RORB: variants seen among roughly 807,000 people sequenced by gnomAD.
The protein encoded by RORB is RAR related orphan receptor B.
In RORB, 6 loss-of-function variants were observed where a neutral mutation model predicts 59.1. The observed-to-expected ratio is 0.10, with a 90% CI of 0.06 to 0.20. The LOEUF is 0.20. Ranked by LOEUF, RORB falls within the 10% of genes least tolerant of loss-of-function variation. RORB has a pLI of 1.00. For synonymous variants in RORB, 215 were observed against 204.5 expected, an observed-to-expected ratio of 1.05 and a Z score of -0.44; for missense variants, 320 against 560.5, an observed-to-expected ratio of 0.57 and a Z score of 4.33.
At chr9:74,540,196 A>G in intron 1 of RORB, among the ~76,000 whole-genome samples, 1 of 152,320 alleles carries the variant, frequency 6.6e-6, no homozygotes, top group South Asian at 2.1e-4. Context: ...GTTTGAATAC[A>G]AAAATATATA....
intron 1 of RORB, among the ~76,000 whole-genome samples, chr9:74,601,203 A>G: frequency 6.6e-6 from 1 of 151,980 alleles, no homozygotes; most frequent in African/African-American, 2.4e-5. Flanking sequence ...TTATAGTAGG[A>G]AAAAGAAGCT....
rs530505596 is a variant in RORB at position 74,579,040 on chromosome 9, T to C, written c.8-51242T>C. 5.9e-5 allele frequency among the ~76,000 whole-genome samples: 9 copies of C among 152,300 alleles called. No homozygotes were observed. In the South Asian group the frequency reaches 1.9e-3, roughly 32 times the overall value. The stretch of plus-strand genomic sequence containing the variant: ...TCCCAACGAACTAGTGTTTATACTC[T>C]ATTAATCCTATGTATGAAGATTTTT... On this transcript the variant is annotated intron_variant, in intron 1 of 9. Coordinates refer to ENST00000376896, the MANE Select transcript of RORB (RefSeq NM_006914.4).
chr9:74,663,257 TA>T (rs1257252496), intron 6 of RORB, among the ~76,000 whole-genome samples: 4 of 152,220 alleles, frequency 2.6e-5, no homozygotes, highest in African/African-American at 9.6e-5. Context: ...TTCATGGTCC[TA>T]GGCCATAATA....
In RORB at chr9:74,668,854, G is replaced by A. The variant is rs191605571; in HGVS notation, c.1111+953G>A. On this transcript the variant is annotated intron_variant, in intron 8 of 9. Coordinates refer to ENST00000376896, the MANE Select transcript of RORB (RefSeq NM_006914.4). ...ACAGTTCAAACCTATGTTGTAGAAG[G>A]GTCACCTGTATCAGGAGTTTTTAAA... is the stretch of plus-strand genomic sequence containing the variant. 7.1e-4 allele frequency among the ~76,000 whole-genome samples: 108 copies of A among 152,188 alleles called. 1 individual carries two copies. The South Asian group carries it at 9.8e-3, about 14-fold the overall frequency.
chr9:74,616,819 G>C (rs1055555199), intron 1 of RORB, among the ~76,000 whole-genome samples: 1 of 151,648 alleles, frequency 6.6e-6, no homozygotes, highest in Non-Finnish European at 1.5e-5. Flanking sequence ...CGATTTTAGG[G>C]GTTTATGTGC....
chr9:74,523,879 G>C (rs1274614857), intron 1 of RORB, among the ~76,000 whole-genome samples: 1 of 151,674 alleles, frequency 6.6e-6, no homozygotes, highest in East Asian at 1.9e-4. Context: ...TGGGTTCATA[G>C]TCAGTCTTTA....
intron 1 of RORB, among the ~76,000 whole-genome samples, chr9:74,563,462 G>A (rs1415523887): frequency 2.0e-5 from 3 of 152,142 alleles, no homozygotes; most frequent in African/African-American, 7.2e-5. Context: ...AGGATTACAG[G>A]CATGAGCCAT....
chr9:74,519,312 G>A (rs989654785), intron 1 of RORB, among the ~76,000 whole-genome samples: 2 of 151,960 alleles, frequency 1.3e-5, no homozygotes, highest in African/African-American at 4.8e-5. Context: ...GAGAAGTCAG[G>A]GTGGGTAGGT....
intron 1 of RORB, among the ~76,000 whole-genome samples, chr9:74,524,919 A>T (rs971420904): frequency 6.6e-6 from 1 of 151,888 alleles, no homozygotes. Context: ...ATAATCTAAT[A>T]AGGAAAATCT....
chr9:74,515,281 G>T (rs1490692641), intron 1 of RORB, among the ~76,000 whole-genome samples: 1 of 151,680 alleles, frequency 6.6e-6, no homozygotes, highest in East Asian at 1.9e-4. Flanking sequence ...TTTGATAGAA[G>T]AAGAGGCTAA....
intron 1 of RORB, among the ~76,000 whole-genome samples, chr9:74,512,395 A>C (rs946311127): frequency 1.3e-5 from 2 of 152,202 alleles, no homozygotes; most frequent in Non-Finnish European, 2.9e-5. Flanking sequence ...TTTGCTCATA[A>C]GACTGTTATA....
intron 1 of RORB, among the ~76,000 whole-genome samples, chr9:74,520,158 AT>A (rs1369700624): frequency 6.6e-6 from 1 of 151,956 alleles, no homozygotes; most frequent in Non-Finnish European, 1.5e-5. Flanking sequence ...GAAAAAAAAA[AT>A]CAGCGGCTTA....
intron 1 of RORB, among the ~76,000 whole-genome samples, chr9:74,574,459 T>C (rs1033408109): frequency 9.9e-5 from 15 of 152,070 alleles, no homozygotes; most frequent in African/African-American, 3.4e-4. Context: ...TCTTTATTAA[T>C]TTAAATATGC....
At chr9:74,515,922 A>T (rs1826002763) in intron 1 of RORB, among the ~76,000 whole-genome samples, 1 of 152,084 alleles carries the variant, frequency 6.6e-6, no homozygotes, top group South Asian at 2.1e-4. Context: ...AGGACAGAGG[A>T]AACAAAATCT....
At chr9:74,674,149 A>G (rs1316060165) in intron 9 of RORB, among the ~76,000 whole-genome samples, 2 of 152,080 alleles carry the variant, frequency 1.3e-5, no homozygotes, top group Non-Finnish European at 2.9e-5. Context: ...AAATTCCCCA[A>G]AAGGAATATT....
At chr9:74,683,761 C>T (rs185140651) in intron 9 of RORB, among the ~76,000 whole-genome samples, 158 of 152,264 alleles carry the variant, frequency 1.0e-3, no homozygotes, top group African/African-American at 2.6e-3. Flanking sequence ...TTTCCTCCCG[C>T]TATTCTTCTT....
At chr9:74,575,577 C>T (rs1185081918) in intron 1 of RORB, among the ~76,000 whole-genome samples, 1 of 151,946 alleles carries the variant, frequency 6.6e-6, no homozygotes, top group Non-Finnish European at 1.5e-5. Context: ...TATTATCTTC[C>T]AGGACAAATG....
chr9:74,523,449 A>T (rs1398821836), intron 1 of RORB, among the ~76,000 whole-genome samples: 2 of 151,946 alleles, frequency 1.3e-5, no homozygotes, highest in Middle Eastern at 6.3e-3. Flanking sequence ...TCAGAAAAAA[A>T]GATTGCAAAA....
intron 1 of RORB, among the ~76,000 whole-genome samples, chr9:74,628,128 A>G (rs1823552556): frequency 6.6e-6 from 1 of 152,186 alleles, no homozygotes; most frequent in African/African-American, 2.4e-5. Flanking sequence ...TAACAGACTA[A>G]GGACTGGAGT....
Sources: gnomAD v4.1 joint callset for allele counts (sites outside exome capture counted in the v4.1 genomes callset) on GRCh38, gnomAD v4.1.1 for gene constraint, MANE v1.5 for transcripts, NCBI Gene and HGNC (gene_info 2026-07-23, HGNC 2026-07-21) for gene names.